Variants in PCNX3 observed in about 807,000 individuals in gnomAD.
PCNX3 encodes pecanex 3.
Under a neutral mutation model 207.2 loss-of-function variants are expected in PCNX3, and 58 were observed. That is an observed-to-expected ratio of 0.28 (90% CI 0.23 to 0.35). The LOEUF (loss-of-function observed/expected upper bound fraction) is 0.35. Ranked by LOEUF, PCNX3 falls within the 10% of genes least tolerant of loss-of-function variation. PCNX3 has a pLI of 1.00. For missense variants in PCNX3, 2,410 were observed against 2,774.4 expected, an observed-to-expected ratio of 0.87 and a Z score of 2.95; for synonymous variants, 1,337 against 1,183.5, an observed-to-expected ratio of 1.13 and a Z score of -2.66.
rs112095062 is a variant in PCNX3 at position 65,636,756 on chromosome 11, C to A, written c.5893-10C>A. ...CCTGCTCACCCGCCAACCTCTCCCC[C>A]CTCCCCCAGGCGCCTCTAGACCTCA... On this transcript the variant is annotated splice_polypyrimidine_tract_variant and intron_variant, in intron 34 of 34. Transcript: ENST00000355703. 1.9e-5 allele frequency: 30 copies of A among 1,545,676 alleles called. No homozygotes were observed. The East Asian group carries it at 3.7e-4, about 19-fold the overall frequency.
intron 2 of PCNX3, 94 bp downstream of exon 2, chr11:65,617,105 T>G: frequency 7.1e-7 from 1 of 1,417,248 alleles, no homozygotes; most frequent in South Asian, 1.3e-5. Flanking sequence ...GAACATTGGC[T>G]CTCTGAGTGA....
Position 65,628,651 on chromosome 11 carries a change from G to A in PCNX3, c.3759G>A (p.Gln1253=). ...TGCTGACCTACATCGCGCCCTGGCA[G>A]ATCACCTGGGGCTCGGCTTTCCACG... ...RFVLTYIAPW[Q]ITWGSAFHAF... is the part of the protein sequence containing the mutation. Residue 1253 remains glutamine, a synonymous_variant, in exon 23 of 35, where the codon CAG becomes CAA. Transcript: ENST00000355703. 2 of 1,613,274 alleles carry A rather than the reference G, an allele frequency of 1.2e-6. No homozygotes were observed. The highest frequency in any genetic ancestry group is 1.7e-6 in the Non-Finnish European group (2 of 1,179,772).
In PCNX3 at chr11:65,637,177, G is replaced by C; in HGVS notation, c.*199G>C. The stretch of plus-strand genomic sequence containing the variant: ...TGATCTCTCTCATCCCCAGTCCAGG[G>C]CCTGGGCTCCCCAGATGGAGGCAGT... On this transcript the variant is annotated 3_prime_UTR_variant, in exon 35 of 35. Coordinates refer to ENST00000355703, the MANE Select transcript of PCNX3 (RefSeq NM_032223.4). 1.6e-6 allele frequency: 1 copy of C among 627,684 alleles called. No homozygotes were observed. The highest frequency in any genetic ancestry group is 2.8e-5 in the East Asian group (1 of 35,300). The allele number at this position is 627,684 out of a possible 1,614,324, so 38.9% of individuals were successfully genotyped here.
At position 65,618,981 on chromosome 11, in the gene PCNX3, T is replaced by C; in HGVS notation, c.1619T>C (p.Val540Ala). Reference sequence around the variant, plus strand: ...GAGCAGGCTGCTAGTGAGCCTGTTGTGCTGCCTGCTGAGGCGCGAAGGGGA... The same window carrying C: ...GAGCAGGCTGCTAGTGAGCCTGTTGCGCTGCCTGCTGAGGCGCGAAGGGGA... ...GVEQAASEPV[V>A]LPAEARRGPA... The change falls in exon 6 of 35, where the codon GTG becomes GCG. Residue 540 changes from valine (V) to alanine (A), a missense_variant. Around this residue, in one of 8 missense-constraint regions of PCNX3, gnomAD observed 1,104 missense variants for 970.3 expected, o/e 1.14. Transcript: ENST00000355703. 6.2e-7 allele frequency: 1 copy of C among 1,602,156 alleles called. No homozygotes were observed. Among genetic ancestry groups the C allele is most frequent in the Non-Finnish European group, 8.5e-7 (1 of 1,178,130 alleles).
At chr11:65,628,356 T>C (rs1855487210) in intron 22 of PCNX3, among the ~76,000 whole-genome samples, 1 of 152,194 alleles carries the variant, frequency 6.6e-6, no homozygotes, top group Non-Finnish European at 1.5e-5. Flanking sequence ...AATAAGAAGC[T>C]CACAGGGTAC....
At chr11:65,616,533 G>A in intron 1 of PCNX3, 69 bp downstream of exon 1, 7 of 1,501,620 alleles carry the variant, frequency 4.7e-6, no homozygotes, top group Non-Finnish European at 6.3e-6. Flanking sequence ...ATTCAGGGCA[G>A]TGCCCTGGGC....
rs747622841 is a variant in PCNX3 at position 65,625,693 on chromosome 11, C to T, written c.3177C>T (p.Ile1059=). The T allele has an allele frequency of 2.6e-5, 42 of 1,612,344 alleles. No homozygotes were observed. In the South Asian group the frequency reaches 3.8e-4, roughly 15 times the overall value. The change falls in exon 19 of 35, where the codon ATC becomes ATT. Residue 1059 remains isoleucine (I), a synonymous_variant. Transcript: ENST00000355703. The surrounding 1 kb of genome is among the most constrained non-coding windows in gnomAD (Gnocchi z 5.6). ...CCGACCTGGTGATGTGTGTGGTGAT[C>T]GCCGTGCTCACCTTCGCCATCAGCG... ...LHSDLVMCVV[I]AVLTFAISAS...
chr11:65,633,118 A>G (rs1376309546), intron 27 of PCNX3, among the ~76,000 whole-genome samples: 11 of 152,122 alleles, frequency 7.2e-5, no homozygotes, highest in Admixed American at 7.2e-4. Context: ...ATGGGCAAGA[A>G]AGTCAGTCTG....
Position 65,634,283 on chromosome 11 carries a change from C to G in PCNX3, c.4628C>G (p.Ser1543Cys), listed in dbSNP as rs777865017. ...SVDEDYDLRL[S>C]GLSLPSFCAV... The stretch of plus-strand genomic sequence containing the variant: ...GATGAGGACTATGACCTCCGCCTGT[C>G]TGGCCTCTCGCTGCCCTCCTTTTGT... The change falls in exon 28 of 35, where the codon TCT becomes TGT. Residue 1543 changes from serine to cysteine, a missense_variant. Coordinates refer to ENST00000355703, the MANE Select transcript of PCNX3 (RefSeq NM_032223.4). The G allele has an allele frequency of 2.5e-6, 4 of 1,611,574 alleles. No homozygotes were observed. The highest frequency in any genetic ancestry group is 1.7e-5 in the Admixed American group (1 of 59,822).
chr11:65,629,597 C>T lies in PCNX3; in HGVS notation c.4078C>T (p.Leu1360=). ...GCTGCAGCACACACTGTGTGGGGAC[C>T]TGGTGCTGGGCCGCTGGGGCAACTA... ...RSLQHTLCGD[L]VLGRWGNYGP... is the part of the protein sequence containing the mutation. Residue 1360 remains leucine (L), a synonymous_variant, in exon 26 of 35, where the codon CTG becomes TTG. Transcript: ENST00000355703. 6.2e-7 allele frequency: 1 copy of T among 1,612,968 alleles called. No individual in the cohort carries two copies. Among genetic ancestry groups the T allele is most frequent in the Admixed American group, 1.7e-5 (1 of 59,918 alleles).
intron 2 of PCNX3, 28 bp from the exon 3 acceptor site, chr11:65,617,222 C>G: frequency 1.3e-6 from 2 of 1,572,310 alleles, no homozygotes; most frequent in East Asian, 4.7e-5. Flanking sequence ...GAGGTTAGCT[C>G]AAAGCTGCTG....
chr11:65,624,658 C>T (rs1028589788), intron 15 of PCNX3, 77 bp downstream of exon 15: 105 of 1,351,854 alleles, frequency 7.8e-5, no homozygotes, highest in Non-Finnish European at 9.7e-5. Flanking sequence ...GTCCTTGGCT[C>T]CACCCTTGCG....
rs1199334977 is a variant in PCNX3, at chr11:65,616,885, C to T, written c.215C>T (p.Ala72Val). ...VYCLVVAVIF[A>V]TIKTVNYRLH... ...TGCCTCGTGGTGGCTGTCATCTTTG[C>T]TACTATCAAGACTGTCAATTATCGG... is the stretch of plus-strand genomic sequence containing the variant. Residue 72 changes from alanine to valine, a missense_variant, in exon 2 of 35, where the codon GCT becomes GTT. Physicochemically the swap from Ala to Val is moderately conservative, Grantham distance 64. Transcript: ENST00000355703. 3 of 1,613,546 alleles carry T rather than the reference C, an allele frequency of 1.9e-6. No individual in the cohort carries two copies. The highest frequency in any genetic ancestry group is 1.3e-5 in the African/African-American group (1 of 74,920).
Position 65,616,216 on chromosome 11 carries a change from G to C in PCNX3, c.-96G>C. 1 of 1,043,480 alleles carries C rather than the reference G, an allele frequency of 9.6e-7. No homozygotes were observed. Among genetic ancestry groups the C allele is most frequent in the South Asian group, 1.9e-5 (1 of 51,996 alleles). 64.6% of individuals were successfully genotyped at this position (1,043,480 alleles called of 1,614,324 possible). A position where few individuals can be genotyped will look rare whatever the true frequency, so the allele number is the denominator to read the frequency against. On this transcript the variant is annotated 5_prime_UTR_variant, in exon 1 of 35. Transcript: ENST00000355703. ...GAGGCCATGGCGTGAGCGTGAGGCC[G>C]GGCCCCGGGGCCCTCAGGCGCCAGA...
intron 27 of PCNX3, 149 bp from the exon 28 acceptor site, chr11:65,633,977 C>T: frequency 1.1e-5 from 8 of 742,312 alleles, no homozygotes; most frequent in Non-Finnish European, 1.7e-5. Context: ...TGCTTGGTTG[C>T]TCTTGAGAGC....
Position 65,618,444 on chromosome 11 carries a change from C to A in PCNX3, c.1082C>A (p.Ser361Tyr), listed in dbSNP as rs1021267194. Residue 361 changes from serine to tyrosine, a missense_variant, in exon 6 of 35, where the codon TCC becomes TAC. Ser to Tyr is a moderately radical substitution (Grantham distance 144). This residue lies in a region of PCNX3 where 1,104 missense variants were observed against 970.3 expected (regional missense o/e 1.14). Transcript: ENST00000355703. ...GTCCCCTCAGATGACACGCTGCGTT[C>A]CTTTGACACGGTCATTGGAGCAGGG... ...AGVPSDDTLR[S>Y]FDTVIGAGTP... 1 of 1,611,244 alleles carries A rather than the reference C, an allele frequency of 6.2e-7. No homozygotes were observed. Among genetic ancestry groups the A allele is most frequent in the Non-Finnish European group, 8.5e-7 (1 of 1,179,220 alleles).
In PCNX3 at chr11:65,623,865, C is replaced by T. The variant is rs758025388; in HGVS notation, c.2512-64C>T. 2.9e-5 allele frequency: 47 copies of T among 1,607,878 alleles called. No individual in the cohort carries two copies. In the African/African-American group the frequency reaches 5.6e-4, roughly 19 times the overall value. ...TGCCTAGTGGTGGAGCTGAACAGGT[C>T]TGGGGCCTCTGACCATCCCGTGGGC... is the stretch of plus-strand genomic sequence containing the variant. On this transcript the variant is annotated intron_variant, in intron 12 of 34. Transcript: ENST00000355703.
intron 11 of PCNX3, among the ~76,000 whole-genome samples, chr11:65,622,736 C>T (rs560516923): frequency 5.4e-4 from 82 of 152,094 alleles, no homozygotes; most frequent in Non-Finnish European, 1.0e-3. Flanking sequence ...GCTGGGACTA[C>T]AGGTGCCCGC....
At chr11:65,616,683 T>G in intron 1 of PCNX3, 141 bp from the exon 2 acceptor site, 1 of 1,035,808 alleles carries the variant, frequency 9.7e-7, no homozygotes, top group Non-Finnish European at 1.4e-6. Context: ...GAGCCCTTTG[T>G]CGAGGTCTGT....
Sources: allele counts gnomAD v4.1 joint callset (sites outside exome capture counted in the v4.1 genomes callset), GRCh38; gene constraint gnomAD v4.1.1; regional missense constraint gnomAD v4.1.1; non-coding constraint Gnocchi (gnomAD v3.1); transcripts MANE v1.5; gene names NCBI Gene and HGNC (gene_info 2026-07-23, HGNC 2026-07-21).